The following IDS variants were observed in gnomAD, a reference collection of about 807,000 sequenced individuals.
IDS encodes the protein alpha-L-iduronate sulfate sulfatase.
IDS carries 1 observed loss-of-function variant against 33.5 expected under a neutral mutation model. That is an observed-to-expected ratio of 0.03 (90% CI 0.01 to 0.14). IDS has a LOEUF of 0.14. Among genes scored for constraint, IDS ranks in the 10% least tolerant of loss-of-function variants. The pLI is 1.00. For synonymous variants in IDS, 191 were observed against 184.4 expected (o/e 1.04, Z -0.29); for missense variants, 328 against 448.0 (o/e 0.73, Z 2.42).
intron 3 of IDS, among the ~76,000 whole-genome samples, chrX:149,501,693 G>C (rs1557340000): frequency 9.0e-6 from 1 of 111,328 alleles, no homozygotes; most frequent in Non-Finnish European, 1.9e-5. Context: ...AGGCCTGTGA[G>C]GGATCTGAAG....
intron 8 of IDS, among the ~76,000 whole-genome samples, chrX:149,485,310 C>A (rs2089327248): frequency 8.9e-6 from 1 of 112,004 alleles, no homozygotes; most frequent in South Asian, 3.7e-4. Context: ...AGCAAGGGGA[C>A]CATTTAGCAA....
chrX:149,490,709 G>A (rs963965367), intron 6 of IDS, among the ~76,000 whole-genome samples: 1 of 112,219 alleles, frequency 8.9e-6, no homozygotes, highest in African/African-American at 3.3e-5. Context: ...GTGGATGAAT[G>A]TGTCACCTAC....
chrX:149,483,114 C>T lies in IDS; in HGVS notation c.1285G>A (p.Val429Ile), dbSNP rs781916566. Residue 429 changes from valine (V) to isoleucine (I), a missense_variant, in exon 9 of 9, where the codon GTT becomes ATT. Physicochemically the swap from Val to Ile is conservative, Grantham distance 29. Transcript: ENST00000340855. ...TTCTTGCCTTCTCTGCACAGCTCAACGTGAAATGAAGGAACGGGGCAGCGA... is the reference window on the plus strand; with the variant it reads ...TTCTTGCCTTCTCTGCACAGCTCAATGTGAAATGAAGGAACGGGGCAGCGA... The part of the protein sequence containing the change: ...PPRCPVPSFH[V>I]ELCREGKNLL... 8 of 1,208,260 alleles carry T rather than the reference C, an allele frequency of 6.6e-6. No homozygotes were observed. The highest frequency in any genetic ancestry group is 1.8e-5 in the African/African-American group (1 of 56,868).
intron 8 of IDS, among the ~76,000 whole-genome samples, chrX:149,484,497 T>C (rs1351421532): frequency 8.9e-6 from 1 of 112,110 alleles, no homozygotes; most frequent in Non-Finnish European, 1.9e-5. Context: ...AATTTTTGTA[T>C]TTTTAGTAGA....
chrX:149,485,578 T>C (rs2089329522), intron 8 of IDS, among the ~76,000 whole-genome samples: 1 of 112,106 alleles, frequency 8.9e-6, no homozygotes, highest in South Asian at 3.7e-4. Context: ...AGTCCAGCTT[T>C]GGATATGTTA....
intron 7 of IDS, among the ~76,000 whole-genome samples, chrX:149,489,803 C>T (rs2089373036): frequency 9.0e-6 from 1 of 110,750 alleles, no homozygotes; most frequent in Non-Finnish European, 1.9e-5. Context: ...TTAAAAAATG[C>T]TTTTAAAAAG....
At chrX:149,498,577 TA>T (rs1380817232) in intron 4 of IDS, among the ~76,000 whole-genome samples, 36 of 111,045 alleles carry the variant, frequency 3.2e-4, no homozygotes, top group Middle Eastern at 4.7e-3. Context: ...AGACTAATTA[TA>T]AAAAAAAATC....
intron 6 of IDS, among the ~76,000 whole-genome samples, chrX:149,496,141 T>C (rs1276572850): frequency 6.2e-5 from 7 of 112,182 alleles, no homozygotes; most frequent in Non-Finnish European, 1.1e-4. Flanking sequence ...AAGACACTGG[T>C]TGGGAGAGTC....
At position 149,497,652 on chromosome X, in the gene IDS, T is replaced by C. The variant is rs781994701; in HGVS notation, c.708+455A>G. ...ATGACATACAAGCAAGTACAGGATTTGAGGTTCCAAGAAGCAATGCAGTGC... is the reference window on the plus strand; with the variant it reads ...ATGACATACAAGCAAGTACAGGATTCGAGGTTCCAAGAAGCAATGCAGTGC... On this transcript the variant is annotated intron_variant, in intron 5 of 8. Coordinates refer to ENST00000340855, the MANE Select transcript of IDS (RefSeq NM_000202.8). Among the ~76,000 whole-genome samples the C allele has an allele frequency of 3.6e-5, 4 of 112,473 alleles. No homozygotes were observed. In the East Asian group the frequency reaches 1.1e-3, roughly 32 times the overall value.
chrX:149,483,027 G>C lies in IDS; in HGVS notation c.1372C>G (p.Arg458Gly), dbSNP rs782340858. ...EEDPYLPGNP[R>G]ELIAYSQYPR... ...TACTGGCTATAGGCAATCAGTTCAC[G>C]GGGATTACCAGGGAGGTACGGATCC... Residue 458 changes from arginine to glycine, a missense_variant, in exon 9 of 9, where the codon CGT becomes GGT. Arg to Gly is a moderately radical substitution (Grantham distance 125). Around this residue, in one of 4 missense-constraint regions of IDS, gnomAD observed 265 missense variants for 339.2 expected, o/e 0.78. Coordinates refer to ENST00000340855, the MANE Select transcript of IDS (RefSeq NM_000202.8). 7 of 1,207,129 alleles carry C rather than the reference G, an allele frequency of 5.8e-6. No individual in the cohort carries two copies. Among genetic ancestry groups the C allele is most frequent in the Non-Finnish European group, 7.8e-6 (7 of 892,915 alleles).
In IDS at chrX:149,487,020, T is replaced by C. The variant is rs141037133; in HGVS notation, c.1085A>G (p.Tyr362Cys). Residue 362 changes from tyrosine (Y) to cysteine (C), a missense_variant, in exon 8 of 9, where the codon TAT (tyrosine) becomes TGT (cysteine). Physicochemically the swap from Tyr to Cys is radical, Grantham distance 194 (BLOSUM62 -2). Coordinates refer to ENST00000340855, the MANE Select transcript of IDS (RefSeq NM_000202.8). ...AAGTGAAGCCGTCCTTCCAGGAACA[T>C]AGAATATCAGGGGAACATGGGTAGC... The part of the protein sequence containing the change: ...DVATHVPLIF[Y>C]VPGRTASLPE... 6.3e-5 allele frequency: 76 copies of C among 1,209,995 alleles called. No individual in the cohort carries two copies. The highest frequency in any genetic ancestry group is 1.4e-4 in the African/African-American group (8 of 57,172).
At chrX:149,489,897 G>A (rs1557338541) in intron 7 of IDS, among the ~76,000 whole-genome samples, 1 of 110,868 alleles carries the variant, frequency 9.0e-6, no homozygotes, top group Non-Finnish European at 1.9e-5. Context: ...AGAGAAGACA[G>A]CGGGGATAGG....
In IDS at chrX:149,504,351, C is replaced by T. The variant is rs182108269; in HGVS notation, c.104-58G>A. 123 of 1,118,281 alleles carry T rather than the reference C, an allele frequency of 1.1e-4. No individual in the cohort carries two copies. In the Middle Eastern group the frequency reaches 5.4e-3, roughly 49 times the overall value. 92.2% of individuals were successfully genotyped at this position (1,118,281 alleles called of 1,213,427 possible). A position where few individuals can be genotyped will look rare whatever the true frequency, so the allele number is the denominator to read the frequency against. ...CCTGCACTGACACTGAACCCTCCCT[C>T]ATGGTAGGTGCTAGGTTACTAAGAG... On this transcript the variant is annotated intron_variant, in intron 1 of 8. Transcript: ENST00000340855.
intron 7 of IDS, chrX:149,487,393 C>T (rs1305424130): frequency 1.1e-5 from 8 of 739,835 alleles, no homozygotes; most frequent in South Asian, 2.3e-5. Context: ...TAACGTAGGA[C>T]TCTGTGGCGG....
At chrX:149,484,642 T>C (rs2089321666) in intron 8 of IDS, among the ~76,000 whole-genome samples, 1 of 112,648 alleles carries the variant, frequency 8.9e-6, no homozygotes, top group Non-Finnish European at 1.9e-5. Flanking sequence ...TGTTGTTGTT[T>C]TTTATTAATA....
At chrX:149,491,402 A>T in intron 6 of IDS, 1 of 418,934 alleles carries the variant, frequency 2.4e-6, no homozygotes, top group Non-Finnish European at 3.4e-6. Context: ...ACAAATGCTA[A>T]GGACAAAAAT....
At chrX:149,494,827 G>A (rs1330125180) in intron 6 of IDS, among the ~76,000 whole-genome samples, 1 of 112,214 alleles carries the variant, frequency 8.9e-6, no homozygotes, top group East Asian at 2.8e-4. Flanking sequence ...AGAAAACTCA[G>A]GGAGGCTCAG....
chrX:149,483,014 G>C lies in IDS; in HGVS notation c.1385C>G (p.Ala462Gly), dbSNP rs1297395316. The change falls in exon 9 of 9, where the codon GCC becomes GGC. Residue 462 changes from alanine to glycine, a missense_variant. Ala to Gly is a moderately conservative substitution (Grantham distance 60). Coordinates refer to ENST00000340855, the MANE Select transcript of IDS (RefSeq NM_000202.8). ...TGAAGGCCGGGGATACTGGCTATAGGCAATCAGTTCACGGGGATTACCAGG... is the reference window on the plus strand; with the variant it reads ...TGAAGGCCGGGGATACTGGCTATAGCCAATCAGTTCACGGGGATTACCAGG... ...YLPGNPRELI[A>G]YSQYPRPSDI... The C allele has an allele frequency of 1.7e-6, 2 of 1,208,477 alleles. No homozygotes were observed. The highest frequency in any genetic ancestry group is 2.2e-6 in the Non-Finnish European group (2 of 893,974).
chrX:149,499,647 C>T (rs1557339732), intron 4 of IDS, among the ~76,000 whole-genome samples: 1 of 110,112 alleles, frequency 9.1e-6, no homozygotes, highest in African/African-American at 3.3e-5. Flanking sequence ...TGCATAGCTC[C>T]GTGAGTATGC....
Sources: gnomAD v4.1 joint callset for allele counts (sites outside exome capture counted in the v4.1 genomes callset) on GRCh38, gnomAD v4.1.1 for gene constraint, gnomAD v4.1.1 regional missense constraint, MANE v1.5 for transcripts, NCBI Gene and HGNC (gene_info 2026-07-23, HGNC 2026-07-21) for gene names.